The following MOXD1 variants were observed in gnomAD, a reference collection of about 807,000 sequenced individuals.
MOXD1 encodes the protein monooxygenase DBH like 1, also known as DBH-like monooxygenase protein 1.
In MOXD1, 62 loss-of-function variants were observed where a neutral mutation model predicts 66.6. The ratio of observed to expected loss-of-function variants is 0.93; its 90% CI spans 0.76 to 1.15. The LOEUF (loss-of-function observed/expected upper bound fraction) is 1.15. MOXD1 is among the 50% of genes most tolerant of loss of function. The pLI, the probability that MOXD1 is intolerant of heterozygous loss-of-function variation, is 0.00. For synonymous variants in MOXD1, 303 were observed against 281.9 expected (o/e 1.07, Z -0.75); for missense variants, 847 against 754.6 (o/e 1.12, Z -1.44).
intron 4 of MOXD1, among the ~76,000 whole-genome samples, chr6:132,334,756 G>C (rs533264566): frequency 2.4e-4 from 36 of 152,206 alleles, no homozygotes; most frequent in Non-Finnish European, 4.7e-4. Flanking sequence ...TGAGGGCAGA[G>C]CTGGGGGGAT....
intron 4 of MOXD1, among the ~76,000 whole-genome samples, chr6:132,339,320 T>A (rs552987306): frequency 1.3e-5 from 2 of 152,198 alleles, no homozygotes; most frequent in South Asian, 4.1e-4. Context: ...ATGTTTTCGT[T>A]CAAGAGATGT....
chr6:132,358,759 G>A (rs72994822), intron 4 of MOXD1, among the ~76,000 whole-genome samples: 1 of 152,096 alleles, frequency 6.6e-6, no homozygotes, highest in Non-Finnish European at 1.5e-5. Flanking sequence ...ATTAATAAAG[G>A]TAATTTTATA....
At chr6:132,315,058 C>T (rs971704202) in intron 10 of MOXD1, among the ~76,000 whole-genome samples, 5 of 152,202 alleles carry the variant, frequency 3.3e-5, no homozygotes, top group African/African-American at 1.2e-4. Flanking sequence ...AAGAGTGACT[C>T]ATTGTGCCTA....
chr6:132,320,062 C>G (rs943757610), intron 9 of MOXD1, among the ~76,000 whole-genome samples: 1 of 151,986 alleles, frequency 6.6e-6, no homozygotes, highest in Non-Finnish European at 1.5e-5. Flanking sequence ...ACTACTGGCC[C>G]CTTTTATACT....
chr6:132,306,246 G>C (rs73544079), intron 10 of MOXD1, among the ~76,000 whole-genome samples: 7,237 of 151,888 alleles, frequency 0.048, 548 homozygotes, highest in African/African-American at 0.16. Flanking sequence ...AATCAACCAA[G>C]CAGAAGAAAA....
At chr6:132,375,616 T>G (rs1440748463) in intron 1 of MOXD1, among the ~76,000 whole-genome samples, 1 of 152,070 alleles carries the variant, frequency 6.6e-6, no homozygotes, top group Admixed American at 6.6e-5. Context: ...GAGATGGGGT[T>G]TCACCATGTT....
chr6:132,367,406 T>G (rs1358864852), intron 4 of MOXD1, among the ~76,000 whole-genome samples: 1 of 152,146 alleles, frequency 6.6e-6, no homozygotes, highest in Non-Finnish European at 1.5e-5. Flanking sequence ...ATTCACTTAA[T>G]ACTCATAGCA....
At chr6:132,399,682 A>G (rs1297475336) in intron 1 of MOXD1, among the ~76,000 whole-genome samples, 2 of 152,260 alleles carry the variant, frequency 1.3e-5, no homozygotes, top group Non-Finnish European at 2.9e-5. Context: ...CCATTTTATA[A>G]TATTAGCATA....
chr6:132,385,933 C>T (rs1363709651), intron 1 of MOXD1, among the ~76,000 whole-genome samples: 2 of 150,682 alleles, frequency 1.3e-5, no homozygotes, highest in Non-Finnish European at 3.0e-5. Flanking sequence ...TAAACCCTAT[C>T]TCTACTAAAA....
intron 11 of MOXD1, 93 bp downstream of exon 11, chr6:132,297,694 G>A: frequency 1.4e-6 from 2 of 1,428,410 alleles, no homozygotes; most frequent in Non-Finnish European, 1.9e-6. Context: ...TGGACCCCTG[G>A]ATTTATGGAT....
chr6:132,333,458 G>T (rs1775369556), intron 4 of MOXD1, among the ~76,000 whole-genome samples: 1 of 151,952 alleles, frequency 6.6e-6, no homozygotes, highest in Non-Finnish European at 1.5e-5. Flanking sequence ...GGAATGCCAA[G>T]AGTTGCCTCT....
chr6:132,332,757 C>A (rs1046786036), intron 4 of MOXD1, among the ~76,000 whole-genome samples: 1 of 152,206 alleles, frequency 6.6e-6, no homozygotes, highest in Non-Finnish European at 1.5e-5. Flanking sequence ...ATGGAGGCTG[C>A]TCGTTATTTT....
At position 132,373,819 on chromosome 6, in the gene MOXD1, C is replaced by T. The variant is rs80226452; in HGVS notation, c.411+812G>A. Among the ~76,000 whole-genome samples, 700 of 152,274 alleles carry T rather than the reference C, an allele frequency of 4.6e-3. 6 individuals carry two copies. The highest frequency in any genetic ancestry group is 0.016 in the African/African-American group (659 of 41,562). ...AAAAGTATTTTAAATGTTCTCTTTG[C>T]TATATTCTTTCTTAATAAGTCAAAT... On this transcript the variant is annotated intron_variant, in intron 2 of 11. Transcript: ENST00000367963.
intron 1 of MOXD1, among the ~76,000 whole-genome samples, chr6:132,381,293 G>C (rs1301623770): frequency 1.3e-5 from 2 of 152,152 alleles, no homozygotes; most frequent in African/African-American, 4.8e-5. Flanking sequence ...AACTTAATGA[G>C]ACCAAAGTAT....
intron 4 of MOXD1, among the ~76,000 whole-genome samples, chr6:132,339,766 A>T (rs1775511631): frequency 6.6e-6 from 1 of 152,190 alleles, no homozygotes. Context: ...AAACTGTGCT[A>T]CATCAGAAGT....
At chr6:132,304,240 C>T (rs1166555697) in intron 10 of MOXD1, among the ~76,000 whole-genome samples, 2 of 152,042 alleles carry the variant, frequency 1.3e-5, no homozygotes, top group African/African-American at 4.8e-5. Context: ...TGTGAGAACA[C>T]AGCAAGAAGG....
chr6:132,313,580 C>T (rs1774876347), intron 10 of MOXD1, among the ~76,000 whole-genome samples: 2 of 152,138 alleles, frequency 1.3e-5, no homozygotes, highest in African/African-American at 4.8e-5. Flanking sequence ...CATATCCTCA[C>T]TGAATGTTTT....
chr6:132,319,074 C>A (rs1208966739), intron 9 of MOXD1, among the ~76,000 whole-genome samples: 11 of 151,928 alleles, frequency 7.2e-5, no homozygotes, highest in Admixed American at 7.2e-4. Context: ...AATAAGCCTT[C>A]TTATCTAGTA....
intron 4 of MOXD1, among the ~76,000 whole-genome samples, chr6:132,340,598 G>C (rs1393605757): frequency 2.7e-5 from 4 of 145,600 alleles, no homozygotes; most frequent in Admixed American, 2.1e-4. Context: ...TTTTTTAAGA[G>C]AACAATGAGT....
Sources: gnomAD v4.1 joint callset for allele counts (sites outside exome capture counted in the v4.1 genomes callset) on GRCh38, gnomAD v4.1.1 for gene constraint, MANE v1.5 for transcripts, NCBI Gene and HGNC (gene_info 2026-07-23, HGNC 2026-07-21) for gene names.